ARHGAP42: variants seen among roughly 807,000 people sequenced by gnomAD.
ARHGAP42 encodes Rho GTPase activating protein 42, also known as rho GTPase-activating protein 42.
Under a neutral mutation model 125.0 loss-of-function variants are expected in ARHGAP42, and 63 were observed. The ratio of observed to expected loss-of-function variants is 0.50; its 90% CI spans 0.41 to 0.62. ARHGAP42 has a LOEUF of 0.62. Ranked by LOEUF, ARHGAP42 falls within the 20% of genes least tolerant of loss-of-function variation. ARHGAP42 has a pLI of 0.00. For synonymous variants in ARHGAP42, 339 were observed against 351.0 expected (o/e 0.97, Z 0.38); for missense variants, 766 against 1,024.2 (o/e 0.75, Z 3.44).
chr11:100,988,989 T>C lies in ARHGAP42; in HGVS notation c.*188T>C, dbSNP rs1858760799. Reference sequence around the variant, plus strand: ...AAAAGATTTAAATTGTTGGCCATTCTTTTTTGGTTGGTTTCTTATTTTAAA... The same window carrying C: ...AAAAGATTTAAATTGTTGGCCATTCCTTTTTGGTTGGTTTCTTATTTTAAA... On this transcript the variant is annotated 3_prime_UTR_variant, in exon 24 of 24. Transcript: ENST00000298815. The C allele has an allele frequency of 2.8e-5, 14 of 493,708 alleles. 1 individual carries two copies. The South Asian group carries it at 5.7e-4, about 20-fold the overall frequency. 30.6% of individuals were successfully genotyped at this position (493,708 alleles called of 1,614,324 possible).
intron 2 of ARHGAP42, among the ~76,000 whole-genome samples, chr11:100,777,226 G>T (rs186848827): frequency 6.6e-6 from 1 of 152,260 alleles, no homozygotes; most frequent in Non-Finnish European, 1.5e-5. Context: ...AGTCACAGGG[G>T]CTTTACTATG....
Position 100,913,455 on chromosome 11 carries a change from G to A in ARHGAP42, c.388G>A (p.Gly130Arg). The stretch of plus-strand genomic sequence containing the variant: ...TGTTGTTATTGCTCTCCTTTAGGAT[G>A]GAAAGAAGAAGTTTGACAAAGAGAG... ...RKEQIGAAKDGKKKFDKESEK... is the reference protein window; with the variant it reads ...RKEQIGAAKDRKKKFDKESEK... Residue 130 changes from glycine to arginine, a missense_variant, in exon 5 of 24, where the codon GGA becomes AGA. Transcript: ENST00000298815. The A allele has an allele frequency of 7.9e-7, 1 of 1,272,728 alleles. No homozygotes were observed. The highest frequency in any genetic ancestry group is 1.3e-5 in the South Asian group (1 of 75,632). 78.8% of individuals were successfully genotyped at this position (1,272,728 alleles called of 1,614,324 possible). A position where few individuals can be genotyped will look rare whatever the true frequency, so the allele number is the denominator to read the frequency against.
chr11:100,909,517 T>A (rs1406613552), intron 4 of ARHGAP42, among the ~76,000 whole-genome samples: 1 of 152,062 alleles, frequency 6.6e-6, no homozygotes, highest in Non-Finnish European at 1.5e-5. Flanking sequence ...CTAATTTTTG[T>A]GTTTTTATTA....
intron 1 of ARHGAP42, among the ~76,000 whole-genome samples, chr11:100,697,271 CT>C (rs1354758414): frequency 4.6e-5 from 7 of 152,144 alleles, no homozygotes; most frequent in Non-Finnish European, 8.8e-5. Context: ...CAAGCTCCGC[CT>C]CCCAGGTTCA....
At chr11:100,852,660 G>T (rs1455977368) in intron 3 of ARHGAP42, among the ~76,000 whole-genome samples, 2 of 152,110 alleles carry the variant, frequency 1.3e-5, no homozygotes, top group Non-Finnish European at 1.5e-5. Flanking sequence ...GCTCAGCTTG[G>T]GATGTACAGT....
intron 3 of ARHGAP42, among the ~76,000 whole-genome samples, chr11:100,842,258 TGAGAAGG>T (rs1864961550): frequency 6.6e-6 from 1 of 152,170 alleles, no homozygotes; most frequent in Non-Finnish European, 1.5e-5. Context: ...ATGCATAAAC[TGAGAAGG>T]GAAGCATTAT....
At chr11:100,907,539 G>A (rs755687106) in intron 4 of ARHGAP42, among the ~76,000 whole-genome samples, 1 of 152,186 alleles carries the variant, frequency 6.6e-6, no homozygotes, top group Non-Finnish European at 1.5e-5. Context: ...AGAATGGGTT[G>A]GAGAGATTAG....
intron 3 of ARHGAP42, among the ~76,000 whole-genome samples, chr11:100,838,149 C>T (rs1351947179): frequency 6.6e-6 from 1 of 151,672 alleles, no homozygotes; most frequent in African/African-American, 2.4e-5. Flanking sequence ...TAGAAATTTC[C>T]TCAATTTGGG....
chr11:100,873,792 T>C (rs995558719), intron 4 of ARHGAP42, among the ~76,000 whole-genome samples: 3 of 152,190 alleles, frequency 2.0e-5, no homozygotes, highest in Admixed American at 2.0e-4. Context: ...GTAATTTGCC[T>C]AAGATTAGAC....
chr11:100,823,674 C>G (rs1221718575), intron 3 of ARHGAP42, among the ~76,000 whole-genome samples: 1 of 152,154 alleles, frequency 6.6e-6, no homozygotes, highest in African/African-American at 2.4e-5. Flanking sequence ...AAGCAACAAC[C>G]AGCAAAATCT....
At chr11:100,866,250 T>C (rs1475487189) in intron 4 of ARHGAP42, among the ~76,000 whole-genome samples, 1 of 152,150 alleles carries the variant, frequency 6.6e-6, no homozygotes. Context: ...TAATTCTAGC[T>C]CTCTTCCTGT....
intron 17 of ARHGAP42, 106 bp from the exon 18 acceptor site, chr11:100,973,069 A>C: frequency 9.7e-7 from 1 of 1,026,750 alleles, no homozygotes; most frequent in Non-Finnish European, 1.4e-6. Flanking sequence ...CAATTTCCCT[A>C]TAATGGCATA....
intron 3 of ARHGAP42, among the ~76,000 whole-genome samples, chr11:100,823,843 T>G (rs1864453643): frequency 6.6e-6 from 1 of 152,146 alleles, no homozygotes; most frequent in Admixed American, 6.5e-5. Context: ...GATGATATCA[T>G]CAGTGAAAAC....
At position 100,965,791 on chromosome 11, in the gene ARHGAP42, T is replaced by TA. The variant is rs1555034072; in HGVS notation, c.1550+16dup. 6.5e-7 allele frequency: 1 copy of TA among 1,534,526 alleles called. No homozygotes were observed. Among genetic ancestry groups the TA allele is most frequent in the Non-Finnish European group, 8.8e-7 (1 of 1,131,802 alleles). ...CATCTGGTCAAGTAATTCTCTAACT[T>TA]ACATTGTTCATTTAACTTATTGTTC... On this transcript the variant is annotated intron_variant, in intron 17 of 23. Coordinates refer to ENST00000298815, the MANE Select transcript of ARHGAP42 (RefSeq NM_152432.4).
intron 17 of ARHGAP42, among the ~76,000 whole-genome samples, chr11:100,971,444 G>T (rs1428575047): frequency 1.3e-5 from 2 of 152,132 alleles, no homozygotes; most frequent in Admixed American, 1.3e-4. Flanking sequence ...GACAGCAGTT[G>T]AGTATCAGCT....
At chr11:100,962,504 T>A in intron 16 of ARHGAP42, 37 bp downstream of exon 16, 1 of 1,477,388 alleles carries the variant, frequency 6.8e-7, no homozygotes, top group Non-Finnish European at 9.2e-7. Flanking sequence ...TTATAATTGA[T>A]GTAGTTTTAT....
intron 2 of ARHGAP42, among the ~76,000 whole-genome samples, chr11:100,781,904 C>CT (rs1321595100): frequency 1.3e-5 from 2 of 151,366 alleles, no homozygotes; most frequent in East Asian, 3.9e-4. Flanking sequence ...TAACTGACCT[C>CT]TGAGGCACAC....
chr11:100,796,855 T>G (rs1210501529), intron 3 of ARHGAP42, among the ~76,000 whole-genome samples: 1 of 150,138 alleles, frequency 6.7e-6, no homozygotes, highest in African/African-American at 2.5e-5. Flanking sequence ...CTGCAACCTC[T>G]GCCTCCTGGG....
chr11:100,805,164 A>G (rs1480237800), intron 3 of ARHGAP42, among the ~76,000 whole-genome samples: 1 of 152,236 alleles, frequency 6.6e-6, no homozygotes, highest in Non-Finnish European at 1.5e-5. Flanking sequence ...TAGCCATTTC[A>G]AAGAAGAGGA....
Sources: allele counts gnomAD v4.1 joint callset (sites outside exome capture counted in the v4.1 genomes callset), GRCh38; gene constraint gnomAD v4.1.1; transcripts MANE v1.5; gene names NCBI Gene and HGNC (gene_info 2026-07-23, HGNC 2026-07-21).